COBL: variants seen among roughly 807,000 people sequenced by gnomAD.
COBL encodes the protein cordon-bleu WH2 repeat protein, also known as protein cordon-bleu.
Under a neutral mutation model 98.8 loss-of-function variants are expected in COBL, and 51 were observed. That is an observed-to-expected ratio of 0.52 (90% confidence interval 0.41 to 0.65). The LOEUF (loss-of-function observed/expected upper bound fraction) is 0.65, where lower values mean the gene tolerates loss of function less well. COBL is among the 30% of genes least tolerant of loss of function. The pLI is 0.00. For synonymous variants in COBL, 634 were observed against 651.7 expected, an observed-to-expected ratio of 0.97 and a Z score of 0.41; for missense variants, 1,617 against 1,617.5, an observed-to-expected ratio of 1.00 and a Z score of 0.01.
intron 6 of COBL, among the ~76,000 whole-genome samples, chr7:51,126,327 CA>C (rs879780136): frequency 2.7e-5 from 4 of 148,728 alleles, no homozygotes; most frequent in Non-Finnish European, 3.0e-5. Flanking sequence ...GACTCCGTCT[CA>C]AAAAAAAAAG....
intron 1 of COBL, among the ~76,000 whole-genome samples, chr7:51,229,724 G>C (rs1794556868): frequency 6.6e-6 from 1 of 152,118 alleles, no homozygotes; most frequent in Admixed American, 6.6e-5. Flanking sequence ...GCAACCAGAA[G>C]CTCACTGCTT....
chr7:51,106,603 C>A (rs929484266), intron 6 of COBL, among the ~76,000 whole-genome samples: 3 of 152,138 alleles, frequency 2.0e-5, no homozygotes, highest in Non-Finnish European at 4.4e-5. Flanking sequence ...ACTATATTTT[C>A]TGCCATCGAT....
intron 1 of COBL, among the ~76,000 whole-genome samples, chr7:51,257,872 CCTGT>C (rs1258445574): frequency 6.6e-6 from 1 of 151,896 alleles, no homozygotes; most frequent in Non-Finnish European, 1.5e-5. Flanking sequence ...TGAAATCTTC[CCTGT>C]CTATTCCTAT....
chr7:51,209,014 C>T (rs1381500548), intron 2 of COBL, among the ~76,000 whole-genome samples: 1 of 149,198 alleles, frequency 6.7e-6, no homozygotes, highest in African/African-American at 2.5e-5. Flanking sequence ...TGCCAAATCC[C>T]CCTCTGTGAG....
intron 8 of COBL, 81 bp downstream of exon 8, chr7:51,043,302 G>A (rs767834016): frequency 5.0e-5 from 70 of 1,387,116 alleles, no homozygotes; most frequent in Non-Finnish European, 6.6e-5. Flanking sequence ...AGCACGTGTT[G>A]GATCCCATGA....
chr7:51,257,659 A>G (rs545917235), intron 1 of COBL, among the ~76,000 whole-genome samples: 9 of 152,278 alleles, frequency 5.9e-5, no homozygotes, highest in Admixed American at 3.9e-4. Context: ...ATATATAAAT[A>G]TACATAATTT....
At chr7:51,112,228 T>A (rs1389973705) in intron 6 of COBL, among the ~76,000 whole-genome samples, 1 of 152,242 alleles carries the variant, frequency 6.6e-6, no homozygotes, top group African/African-American at 2.4e-5. Flanking sequence ...TAAGTATCTT[T>A]GCTATACATC....
At chr7:51,201,716 A>G (rs947403523) in intron 2 of COBL, among the ~76,000 whole-genome samples, 40 of 152,220 alleles carry the variant, frequency 2.6e-4, no homozygotes, top group African/African-American at 9.4e-4. Flanking sequence ...TTAGGTGTCA[A>G]AAGAGGTCTG....
chr7:51,244,623 A>G (rs555385460), intron 1 of COBL, among the ~76,000 whole-genome samples: 1 of 152,230 alleles, frequency 6.6e-6, no homozygotes, highest in African/African-American at 2.4e-5. Context: ...AGCATGCTCC[A>G]GTTCCAATCC....
chr7:51,240,979 T>C (rs1795736883), intron 1 of COBL, among the ~76,000 whole-genome samples: 2 of 152,230 alleles, frequency 1.3e-5, no homozygotes. Context: ...TGGTGACTGG[T>C]GAGCAGTGGG....
At chr7:51,309,348 G>A (rs1380759184) in intron 1 of COBL, among the ~76,000 whole-genome samples, 1 of 152,170 alleles carries the variant, frequency 6.6e-6, no homozygotes, top group East Asian at 1.9e-4. Flanking sequence ...AAAATCAGCA[G>A]GTCTCTGGGA....
intron 5 of COBL, among the ~76,000 whole-genome samples, chr7:51,142,383 A>ATT (rs10608547): frequency 8.4e-4 from 60 of 71,398 alleles, no homozygotes; most frequent in African/African-American, 1.9e-3. Context: ...CTGGTATTTG[A>ATT]TTTTTTTTTT....
At chr7:51,056,577 T>G (rs912987595) in intron 7 of COBL, among the ~76,000 whole-genome samples, 2 of 152,184 alleles carry the variant, frequency 1.3e-5, no homozygotes, top group Non-Finnish European at 2.9e-5. Flanking sequence ...GCCTGAAGTT[T>G]GGGTCAGATT....
chr7:51,027,660 G>A, intron 10 of COBL, 52 bp downstream of exon 10: 1 of 1,422,006 alleles, frequency 7.0e-7, no homozygotes, highest in Non-Finnish European at 9.8e-7. Context: ...TGAGACCAGT[G>A]CACTGAAGTG....
At chr7:51,168,346 G>T (rs1308775370) in intron 5 of COBL, among the ~76,000 whole-genome samples, 2 of 152,024 alleles carry the variant, frequency 1.3e-5, no homozygotes, top group Non-Finnish European at 2.9e-5. Context: ...TGAGGCAGGA[G>T]AATCACTTGA....
intron 5 of COBL, among the ~76,000 whole-genome samples, chr7:51,153,148 T>C (rs1410942755): frequency 6.6e-6 from 1 of 152,210 alleles, no homozygotes; most frequent in Non-Finnish European, 1.5e-5. Flanking sequence ...TTATCAAATG[T>C]GTGCACACTC....
intron 7 of COBL, among the ~76,000 whole-genome samples, chr7:51,078,250 CT>C (rs1562880095): frequency 6.6e-6 from 1 of 152,158 alleles, no homozygotes; most frequent in East Asian, 1.9e-4. Context: ...TTAGTGGGGG[CT>C]TTCTGGGAAA....
At chr7:51,229,148 TG>T (rs1345129362) in intron 1 of COBL, among the ~76,000 whole-genome samples, 1 of 152,186 alleles carries the variant, frequency 6.6e-6, no homozygotes, top group African/African-American at 2.4e-5. Context: ...AACCGCTCCT[TG>T]GGCTTCCCTG....
chr7:51,171,336 T>C (rs1787857726), intron 5 of COBL, among the ~76,000 whole-genome samples: 3 of 152,168 alleles, frequency 2.0e-5, no homozygotes. Context: ...AAGATAATTT[T>C]TGAGGACAGG....
Sources: gnomAD v4.1 joint callset for allele counts (sites outside exome capture counted in the v4.1 genomes callset) on GRCh38, gnomAD v4.1.1 for gene constraint, MANE v1.5 for transcripts, NCBI Gene and HGNC (gene_info 2026-07-23, HGNC 2026-07-21) for gene names.